Variants in FBXO41 observed in about 807,000 individuals in gnomAD.
The protein encoded by FBXO41 is F-box only protein 41.
In FBXO41, 33 loss-of-function variants were observed where a neutral mutation model predicts 81.6. The ratio of observed to expected loss-of-function variants is 0.40; its 90% CI spans 0.31 to 0.54. The LOEUF (loss-of-function observed/expected upper bound fraction) is 0.54. Among genes scored for constraint, FBXO41 ranks in the 20% least tolerant of loss-of-function variants. FBXO41 has a pLI of 0.39. For missense variants in FBXO41, 1,107 were observed against 1,236.0 expected (o/e 0.90, Z 1.56); for synonymous variants, 576 against 552.7 (o/e 1.04, Z -0.59).
rs1300202904 is a variant in FBXO41 at position 73,269,144 on chromosome 2, C to T, written c.487G>A (p.Val163Met). The T allele has an allele frequency of 6.6e-6, 10 of 1,521,828 alleles. No individual in the cohort carries two copies. Among genetic ancestry groups the T allele is most frequent in the East Asian group, 2.6e-5 (1 of 38,924 alleles). The allele number at this position is 1,521,828 out of a possible 1,614,324, so 94.3% of individuals were successfully genotyped here. Residue 163 changes from valine to methionine, a missense_variant, in exon 2 of 13, where the codon GTG becomes ATG. Transcript: ENST00000520530. This position sits in a 1 kb window ranked among gnomAD's most constrained non-coding sequence, Gnocchi z 7.0. The stretch of plus-strand genomic sequence containing the variant: ...GGCGTCGAGCACGCCGAGGACGCCA[C>T]GGACTTGCGGGCGAACAGCTCCCCC... ...PLGELFARKS[V>M]ASSACSTPPP...
Position 73,269,864 on chromosome 2 carries a change from G to C in FBXO41, c.-138-96C>G, listed in dbSNP as rs1688437047. 1 of 195,916 alleles carries C rather than the reference G, an allele frequency of 5.1e-6. No individual in the cohort carries two copies. The highest frequency in any genetic ancestry group is 2.4e-5 in the African/African-American group (1 of 42,426). 12.1% of individuals were successfully genotyped at this position (195,916 alleles called of 1,614,324 possible). A position where few individuals can be genotyped will look rare whatever the true frequency, so the allele number is the denominator to read the frequency against. ...TCATCCCCCAGCCATGAGGAAATCA[G>C]CATTGAGGGGCAAGGGGAGACCTCC... On this transcript the variant is annotated intron_variant, in intron 1 of 12. Coordinates refer to ENST00000520530, the MANE Select transcript of FBXO41 (RefSeq NM_001371389.2). The surrounding 1 kb of genome is among the most constrained non-coding windows in gnomAD (Gnocchi z 7.0).
chr2:73,274,780 G>A (rs116593029), intron 1 of FBXO41, among the ~76,000 whole-genome samples: 1,732 of 152,012 alleles, frequency 0.011, 31 homozygotes, highest in African/African-American at 0.04. Context: ...TGCCCAGGCC[G>A]GTCAGAAAGT....
chr2:73,267,057 C>A (rs546903656), intron 2 of FBXO41, among the ~76,000 whole-genome samples: 77 of 152,284 alleles, frequency 5.1e-4, no homozygotes, highest in African/African-American at 1.8e-3. Flanking sequence ...CCAGACACAT[C>A]TCTCTCATAC....
chr2:73,266,616 C>T lies in FBXO41; in HGVS notation c.972G>A (p.Arg324=), dbSNP rs760035114. Residue 324 remains arginine (R), a synonymous_variant, in exon 3 of 13, where the codon CGG becomes CGA. Coordinates refer to ENST00000520530, the MANE Select transcript of FBXO41 (RefSeq NM_001371389.2). The surrounding 1 kb of genome is among the most constrained non-coding windows in gnomAD (Gnocchi z 5.3). ...GGAGCTCCTCAATGAACTGCTGCAG[C>T]CGCAGCTTGGCGCTGGCCTCCCGCG... ...TAAREASAKL[R]LQQFIEELLE... is the part of the protein sequence containing the mutation. The T allele has an allele frequency of 2.5e-6, 4 of 1,610,352 alleles. No homozygotes were observed. In the African/African-American group the frequency reaches 4.0e-5, roughly 16 times the overall value.
Position 73,264,417 on chromosome 2 carries a change from G to T in FBXO41, c.1667C>A (p.Ala556Asp). Residue 556 changes from alanine (A) to aspartate (D), a missense_variant, in exon 6 of 13, where the codon GCC becomes GAC. Coordinates refer to ENST00000520530, the MANE Select transcript of FBXO41 (RefSeq NM_001371389.2). ...CAGGTAGGTGAAGATGCAGAAGAGGGCAGCTCGCATCTTCAGGATCTCTGG... is the reference window on the plus strand; with the variant it reads ...CAGGTAGGTGAAGATGCAGAAGAGGTCAGCTCGCATCTTCAGGATCTCTGG... ...ISPEILKMRA[A>D]LFCIFTYLDT... 1.2e-6 allele frequency: 2 copies of T among 1,613,984 alleles called. No individual in the cohort carries two copies. The highest frequency in any genetic ancestry group is 1.7e-6 in the Non-Finnish European group (2 of 1,179,908).
chr2:73,260,896 T>G lies in FBXO41; in HGVS notation c.2172-38A>C. ...AAGGGGGAGCCGTCAGGGAAGTCTC[T>G]GGATGCTTGATAACCCAGCATGCTC... On this transcript the variant is annotated intron_variant, in intron 9 of 12. Transcript: ENST00000520530. This position sits in a 1 kb window ranked among gnomAD's most constrained non-coding sequence, Gnocchi z 5.0. 6.6e-7 allele frequency: 1 copy of G among 1,514,206 alleles called. No homozygotes were observed. The highest frequency in any genetic ancestry group is 8.9e-7 in the Non-Finnish European group (1 of 1,117,452). The allele number at this position is 1,514,206 out of a possible 1,614,324, so 93.8% of individuals were successfully genotyped here.
chr2:73,268,644 C>T (rs1161148603), intron 2 of FBXO41, 82 bp downstream of exon 2: 16 of 1,359,340 alleles, frequency 1.2e-5, no homozygotes, highest in Admixed American at 2.7e-5. Flanking sequence ...TACAGACACA[C>T]TCAGGCACGC....
chr2:73,268,707 G>T lies in FBXO41; in HGVS notation c.905+19C>A. 1 of 1,504,320 alleles carries T rather than the reference G, an allele frequency of 6.6e-7. No individual in the cohort carries two copies. The highest frequency in any genetic ancestry group is 8.9e-7 in the Non-Finnish European group (1 of 1,120,336). 93.2% of individuals were successfully genotyped at this position (1,504,320 alleles called of 1,614,324 possible). ...CCGCACAGGCACAACCACTCACAGG[G>T]CCCCGAGGGTCTACTCACTGCTGCT... On this transcript the variant is annotated intron_variant, in intron 2 of 12. Coordinates refer to ENST00000520530, the MANE Select transcript of FBXO41 (RefSeq NM_001371389.2).
chr2:73,264,362 C>G lies in FBXO41; in HGVS notation c.1722G>C (p.Glu574Asp). The G allele has an allele frequency of 6.2e-7, 1 of 1,613,772 alleles. No homozygotes were observed. The highest frequency in any genetic ancestry group is 8.5e-7 in the Non-Finnish European group (1 of 1,179,904). Reference sequence around the variant, plus strand: ...CCACGAAGCGCCAGTCCCGGCAGACCTCGGCAGCATGCAGCAGTGTGCGCG... The same window carrying G: ...CCACGAAGCGCCAGTCCCGGCAGACGTCGGCAGCATGCAGCAGTGTGCGCG... ...LDTRTLLHAA[E>D]VCRDWRFVAR... Residue 574 changes from glutamate (E) to aspartate (D), a missense_variant, in exon 6 of 13, where the codon GAG becomes GAC. Around this residue, in one of 2 missense-constraint regions of FBXO41, gnomAD observed 336 missense variants for 446.7 expected, o/e 0.75. Coordinates refer to ENST00000520530, the MANE Select transcript of FBXO41 (RefSeq NM_001371389.2).
rs923742843 is a variant in FBXO41, at chr2:73,265,576, G to C, written c.1270C>G (p.Leu424Val). The C allele has an allele frequency of 1.3e-6, 2 of 1,548,918 alleles. No individual in the cohort carries two copies. The highest frequency in any genetic ancestry group is 1.7e-6 in the Non-Finnish European group (2 of 1,150,744). The change falls in exon 5 of 13, where the codon CTG (leucine) becomes GTG (valine). Residue 424 changes from leucine to valine, a missense_variant. This residue lies in a region of FBXO41 where 771 missense variants were observed against 789.2 expected (regional missense o/e 0.98). Transcript: ENST00000520530. Reference sequence around the variant, plus strand: ...GGGGCCCCCTCCTCTGGCCTGGGCAGCTCCAGACTGTCACTGTCATAGCAG... The same window carrying C: ...GGGGCCCCCTCCTCTGGCCTGGGCACCTCCAGACTGTCACTGTCATAGCAG... ...SGCYDSDSLE[L>V]PRPEEGAPED...
intron 4 of FBXO41, 41 bp from the exon 5 acceptor site, chr2:73,265,681 C>T: frequency 1.4e-6 from 2 of 1,460,586 alleles, no homozygotes; most frequent in African/African-American, 1.4e-5. Flanking sequence ...TAAGAGGCAC[C>T]AGGCCTACCC....
At position 73,255,970 on chromosome 2, in the gene FBXO41, C is replaced by T. The variant is rs1418844094; in HGVS notation, c.*3012G>A. The T allele has an allele frequency of 3.9e-5, 6 of 152,244 alleles. No homozygotes were observed. The highest frequency in any genetic ancestry group is 7.3e-5 in the Non-Finnish European group (5 of 68,098). The allele number at this position is 152,244 out of a possible 1,614,324, so 9.4% of individuals were successfully genotyped here. The stretch of plus-strand genomic sequence containing the variant: ...GCAGGCCACCCACTCTTTATTCCTG[C>T]AGGGATGCATATAAGTGCACCTTCA... On this transcript the variant is annotated 3_prime_UTR_variant, in exon 13 of 13. Coordinates refer to ENST00000520530, the MANE Select transcript of FBXO41 (RefSeq NM_001371389.2).
intron 5 of FBXO41, among the ~76,000 whole-genome samples, 164 bp from the exon 6 acceptor site, chr2:73,264,683 G>A (rs560599592): frequency 1.6e-4 from 25 of 152,184 alleles, no homozygotes; most frequent in East Asian, 7.7e-4. Context: ...TGTCCTTTGC[G>A]GTACCCCATC....
Position 73,259,127 on chromosome 2 carries a change from CCA to C in FBXO41, c.2565+52_2565+53del. On this transcript the variant is annotated intron_variant, in intron 12 of 12. Coordinates refer to ENST00000520530, the MANE Select transcript of FBXO41 (RefSeq NM_001371389.2). This position sits in a 1 kb window ranked among gnomAD's most constrained non-coding sequence, Gnocchi z 4.2. ...GCCACACTCACCCAGGTCACCAGCC[CCA>C]GTCTAGGGATGCCACTTGGGGTCTT... is the stretch of plus-strand genomic sequence containing the variant. 6.2e-7 allele frequency: 1 copy of C among 1,611,786 alleles called. No individual in the cohort carries two copies.
Position 73,265,916 on chromosome 2 carries a change from C to T in FBXO41, c.1182G>A (p.Arg394=), listed in dbSNP as rs762645607. 3 of 1,586,992 alleles carry T rather than the reference C, an allele frequency of 1.9e-6. No individual in the cohort carries two copies. The highest frequency in any genetic ancestry group is 2.3e-5 in the East Asian group (1 of 43,596). Residue 394 remains arginine, a synonymous_variant, in exon 4 of 13, where the codon CGG becomes CGA. Transcript: ENST00000520530. ...ACCCTGTGCTCGGAGAGGAGCCATG[C>T]CGTGACACTGCATATGTGTTAGGCA... ...PAVPNTYAVS[R]HGSSPSTGAS...
rs1687901744 is a variant in FBXO41 at position 73,258,687 on chromosome 2, C to A, written c.*295G>T. ...TTGCAGATCCTCCAGGTGATGACAC[C>A]AGGCGCTGGTGGTGACAGCTCCTCA... On this transcript the variant is annotated 3_prime_UTR_variant, in exon 13 of 13. Transcript: ENST00000520530. The A allele has an allele frequency of 3.2e-5, 13 of 405,570 alleles. No homozygotes were observed. The East Asian group carries it at 4.7e-4, about 15-fold the overall frequency. 25.1% of individuals were successfully genotyped at this position (405,570 alleles called of 1,614,324 possible).
Position 73,269,568 on chromosome 2 carries a change from G to T in FBXO41, c.63C>A (p.Ser21Arg). The T allele has an allele frequency of 7.4e-7, 1 of 1,350,896 alleles. No individual in the cohort carries two copies. The highest frequency in any genetic ancestry group is 9.6e-7 in the Non-Finnish European group (1 of 1,040,688). 83.7% of individuals were successfully genotyped at this position (1,350,896 alleles called of 1,614,324 possible). The change falls in exon 2 of 13, where the codon AGC (serine) becomes AGA (arginine). Residue 21 changes from serine to arginine, a missense_variant. Ser to Arg is a moderately radical substitution (Grantham distance 110). Coordinates refer to ENST00000520530, the MANE Select transcript of FBXO41 (RefSeq NM_001371389.2). The surrounding 1 kb of genome is among the most constrained non-coding windows in gnomAD (Gnocchi z 7.0). ...PRCGEHKRFR[S>R]LSSLRAHLEY... ...CCAGGTGCGCGCGCAGCGACGACAG[G>T]CTCCGGAAGCGCTTGTGCTCCCCGC...
chr2:73,267,970 C>G (rs1291173141), intron 2 of FBXO41, among the ~76,000 whole-genome samples: 1 of 152,084 alleles, frequency 6.6e-6, no homozygotes, highest in African/African-American at 2.4e-5. Flanking sequence ...AAAATTGTGT[C>G]AAACCATTGT....
At chr2:73,262,767 C>T (rs1200901495) in intron 9 of FBXO41, among the ~76,000 whole-genome samples, 4 of 151,852 alleles carry the variant, frequency 2.6e-5, no homozygotes, top group African/African-American at 7.3e-5. Flanking sequence ...ATTTATTAGA[C>T]GGAGTTTCCA....
Sources: gnomAD v4.1 joint callset for allele counts (sites outside exome capture counted in the v4.1 genomes callset) on GRCh38, gnomAD v4.1.1 for gene constraint, gnomAD v4.1.1 regional missense constraint, Gnocchi (gnomAD v3.1) non-coding constraint, MANE v1.5 for transcripts, NCBI Gene and HGNC (gene_info 2026-07-23, HGNC 2026-07-21) for gene names.